The following PDE4D variants were observed in gnomAD, a reference collection of about 807,000 sequenced individuals.
PDE4D encodes the protein 3',5'-cyclic-AMP phosphodiesterase 4D.
In PDE4D, 24 loss-of-function variants were observed where a neutral mutation model predicts 87.4. The ratio of observed to expected loss-of-function variants is 0.27; its 90% CI spans 0.20 to 0.39. The LOEUF is 0.39. PDE4D is among the 10% of genes least tolerant of loss of function. The probability of loss-of-function intolerance (pLI) is 1.00; values close to 1 mark genes in which losing one functional copy is unlikely to be tolerated. For synonymous variants in PDE4D, 384 were observed against 383.2 expected (o/e 1.00, Z -0.02); for missense variants, 714 against 1,041.0 (o/e 0.69, Z 4.32).
intron 2 of PDE4D, among the ~76,000 whole-genome samples, chr5:60,088,295 TAAAAAAC>T (rs550298044): frequency 2.8e-4 from 43 of 151,470 alleles, no homozygotes; most frequent in East Asian, 1.2e-3. Flanking sequence ...TGCTAATGTG[TAAAAAAC>T]AAAAAACAAA....
At chr5:59,897,886 G>C (rs1176421998), upstream of PDE4D, among the ~76,000 whole-genome samples, 1 of 151,952 alleles carries the variant, frequency 6.6e-6, no homozygotes, top group Non-Finnish European at 1.5e-5. Context: ...ATTTCACTTA[G>C]GTCTTTAATG....
In PDE4D at chr5:59,355,195, ATC is replaced by A. The variant is rs1369887473; in HGVS notation, c.456-139229_456-139228del. Among the ~76,000 whole-genome samples, 3 of 152,236 alleles carry A rather than the reference ATC, an allele frequency of 2.0e-5. No individual in the cohort carries two copies. The East Asian group carries it at 5.8e-4, about 29-fold the overall frequency. On this transcript the variant is annotated intron_variant, in intron 1 of 14. Transcript: ENST00000340635. Reference sequence around the variant, plus strand: ...AAAGGAACCTTGAAAAAATATATTTATCATATAGCTTTAAATTGTTACAATAC... The same window carrying A: ...AAAGGAACCTTGAAAAAATATATTTAATATAGCTTTAAATTGTTACAATAC...
chr5:59,262,710 G>A (rs1762226704), intron 1 of PDE4D, among the ~76,000 whole-genome samples: 1 of 151,862 alleles, frequency 6.6e-6, no homozygotes, highest in African/African-American at 2.4e-5. Flanking sequence ...AGGTTAGAGT[G>A]AGCCTGAAGT....
chr5:59,930,163 CAAAAAAAAAAA>C (rs35465849), intron 3 of PDE4D, among the ~76,000 whole-genome samples: 1 of 82,948 alleles, frequency 1.2e-5, no homozygotes, highest in Non-Finnish European at 2.2e-5. Flanking sequence ...ACTCCGTCTC[CAAAAAAAAAAA>C]AAAAAAAAAA....
chr5:59,617,190 G>A (rs1235766088), intron 1 of PDE4D, among the ~76,000 whole-genome samples: 1 of 151,810 alleles, frequency 6.6e-6, no homozygotes, highest in African/African-American at 2.4e-5. Context: ...AAGAGAGGGT[G>A]CTGTGGTGGA....
At chr5:60,293,568 C>T (rs1039511241) in intron 1 of PDE4D, among the ~76,000 whole-genome samples, 1 of 152,124 alleles carries the variant, frequency 6.6e-6, no homozygotes, top group Admixed American at 6.6e-5. Context: ...TGATACAGAA[C>T]ATTTCCATCT....
chr5:59,886,566 G>A lies in PDE4D; in HGVS notation c.455+6602C>T, dbSNP rs187364846. Among the ~76,000 whole-genome samples the A allele has an allele frequency of 1.7e-4, 26 of 151,900 alleles. No individual in the cohort carries two copies. The East Asian group carries it at 4.1e-3, about 24-fold the overall frequency. On this transcript the variant is annotated intron_variant, in intron 1 of 14. Coordinates refer to ENST00000340635, the MANE Select transcript of PDE4D (RefSeq NM_001104631.2). ...GAAAAGAAAAATATTCCTTCTTTGT[G>A]TAGGAATATCCGCAAGAGGGTAACA... is the stretch of plus-strand genomic sequence containing the variant.
intron 1 of PDE4D, among the ~76,000 whole-genome samples, chr5:60,358,167 T>C (rs1759772687): frequency 6.6e-6 from 1 of 152,198 alleles, no homozygotes; most frequent in Non-Finnish European, 1.5e-5. Context: ...GGTGTTCCCT[T>C]GACCGCTTCC....
At chr5:59,012,057 C>T (rs1561299979) in intron 6 of PDE4D, among the ~76,000 whole-genome samples, 1 of 152,122 alleles carries the variant, frequency 6.6e-6, no homozygotes, top group Non-Finnish European at 1.5e-5. Flanking sequence ...CCAAACTAAG[C>T]TTCACAGGTG....
chr5:60,342,508 G>A (rs1758398908), intron 1 of PDE4D, among the ~76,000 whole-genome samples: 2 of 152,116 alleles, frequency 1.3e-5, no homozygotes, highest in South Asian at 4.1e-4. Flanking sequence ...TGAAACCAAA[G>A]TGCTGGGAAC....
intron 3 of PDE4D, among the ~76,000 whole-genome samples, chr5:59,947,565 T>G (rs1173399825): frequency 6.6e-6 from 1 of 152,154 alleles, no homozygotes; most frequent in Non-Finnish European, 1.5e-5. Context: ...AAGAGAAAAC[T>G]GAAACTTGTA....
intron 3 of PDE4D, among the ~76,000 whole-genome samples, chr5:59,923,148 G>A (rs1208702652): frequency 1.3e-5 from 2 of 152,108 alleles, no homozygotes; most frequent in East Asian, 3.9e-4. Flanking sequence ...GGAAGAACGG[G>A]GAGGTCTTTG....
chr5:60,262,300 C>T (rs1424114036), intron 1 of PDE4D: 3 of 152,136 alleles, frequency 2.0e-5, no homozygotes, highest in African/African-American at 7.2e-5. Flanking sequence ...GACCAAAAGA[C>T]CTTGGGCAAA....
At chr5:60,039,645 T>C (rs1768237317) in intron 2 of PDE4D, among the ~76,000 whole-genome samples, 1 of 152,020 alleles carries the variant, frequency 6.6e-6, no homozygotes, top group South Asian at 2.1e-4. Context: ...ACAAGGTTCT[T>C]AGGACCCAAC....
chr5:59,157,576 T>C (rs541375099), intron 5 of PDE4D, among the ~76,000 whole-genome samples: 1 of 152,338 alleles, frequency 6.6e-6, no homozygotes, highest in Non-Finnish European at 1.5e-5. Flanking sequence ...GAAAGTAATA[T>C]TGTATAATTG....
At position 59,725,845 on chromosome 5, in the gene PDE4D, C is replaced by T. The variant is rs1015658871; in HGVS notation, c.455+167323G>A. 4.6e-5 allele frequency among the ~76,000 whole-genome samples: 7 copies of T among 151,872 alleles called. No homozygotes were observed. In the South Asian group the frequency reaches 6.2e-4, roughly 13 times the overall value. On this transcript the variant is annotated intron_variant, in intron 1 of 14. Coordinates refer to ENST00000340635, the MANE Select transcript of PDE4D (RefSeq NM_001104631.2). ...TAGTTGTTTTTTTTCATATAAATAA[C>T]AGATAAGGTCCCTAAAAGATTGATT...
intron 5 of PDE4D, among the ~76,000 whole-genome samples, chr5:59,092,866 G>A (rs968143901): frequency 3.9e-5 from 6 of 152,070 alleles, no homozygotes; most frequent in East Asian, 1.9e-4. Context: ...ACCTTCTCCC[G>A]TCTTTTTCTA....
intron 2 of PDE4D, among the ~76,000 whole-genome samples, chr5:60,084,357 A>T (rs1189891847): frequency 6.6e-6 from 1 of 152,120 alleles, no homozygotes; most frequent in African/African-American, 2.4e-5. Flanking sequence ...TAGAAATATG[A>T]CATTTTATGA....
At position 60,029,301 on chromosome 5, in the gene PDE4D, A is replaced by G. The variant is rs189564969; in HGVS notation, c.43-40584T>C. ...ACTGTTTAGGGCCAACCTGCCTCCC[A>G]TTCTATTCAAAGTCACCCCTCTGCT... On this transcript the variant is annotated intron_variant, in intron 2 of 16. Coordinates refer to the PDE4D transcript ENST00000502484. Among the ~76,000 whole-genome samples the G allele has an allele frequency of 3.8e-3, 573 of 152,284 alleles. 2 individuals carry two copies. Among genetic ancestry groups the G allele is most frequent in the Middle Eastern group, 6.8e-3 (2 of 292 alleles).
Sources: gnomAD v4.1 joint callset for allele counts (sites outside exome capture counted in the v4.1 genomes callset) on GRCh38, gnomAD v4.1.1 for gene constraint, MANE v1.5 for transcripts, NCBI Gene and HGNC (gene_info 2026-07-23, HGNC 2026-07-21) for gene names.